The following PSMA1 variants were observed in gnomAD, a reference collection of about 807,000 sequenced individuals.
PSMA1 encodes proteasome subunit alpha type-1.
In PSMA1, 3 loss-of-function variants were observed where a neutral mutation model predicts 38.4. That is an observed-to-expected ratio of 0.08 (90% CI 0.04 to 0.20). PSMA1 has a LOEUF of 0.20. Among genes scored for constraint, PSMA1 ranks in the 10% least tolerant of loss-of-function variants. The pLI is 1.00. For missense variants in PSMA1, 227 were observed against 325.3 expected, an observed-to-expected ratio of 0.70 and a Z score of 2.32; for synonymous variants, 101 against 107.1, an observed-to-expected ratio of 0.94 and a Z score of 0.35.
chr11:14,631,035 G>A (rs1410914436), intron 1 of PSMA1, among the ~76,000 whole-genome samples: 6 of 151,932 alleles, frequency 3.9e-5, no homozygotes, highest in Non-Finnish European at 7.4e-5. Context: ...TTTTTATTGC[G>A]TCTATTTGAT....
At chr11:14,613,642 T>C (rs1852735379) in intron 1 of PSMA1, among the ~76,000 whole-genome samples, 1 of 152,166 alleles carries the variant, frequency 6.6e-6, no homozygotes, top group Non-Finnish European at 1.5e-5. Context: ...ATTTCTGAGA[T>C]TTCAAAATAA....
chr11:14,570,157 A>G (rs1013174775), intron 2 of PSMA1, among the ~76,000 whole-genome samples: 1 of 152,228 alleles, frequency 6.6e-6, no homozygotes, highest in African/African-American at 2.4e-5. Flanking sequence ...CCTGACTGTT[A>G]GAAGGAAAAC....
At chr11:14,507,490 C>G (rs1851264438) in intron 9 of PSMA1, 166 bp downstream of exon 9, 1 of 592,574 alleles carries the variant, frequency 1.7e-6, no homozygotes, top group Non-Finnish European at 2.9e-6. Flanking sequence ...ATGGAGATCA[C>G]TGCCCTTTCA....
chr11:14,540,945 G>C (rs973689801), intron 2 of PSMA1, among the ~76,000 whole-genome samples: 2 of 152,032 alleles, frequency 1.3e-5, no homozygotes, highest in Admixed American at 1.3e-4. Flanking sequence ...GTTGTGGGGT[G>C]GGGGGAGGAG....
At chr11:14,638,295 C>T (rs990104088) in intron 1 of PSMA1, among the ~76,000 whole-genome samples, 14 of 152,066 alleles carry the variant, frequency 9.2e-5, no homozygotes, top group African/African-American at 3.4e-4. Context: ...ATTATTTACT[C>T]CTATTTGCAA....
chr11:14,547,890 C>T (rs1589989403), intron 2 of PSMA1, among the ~76,000 whole-genome samples: 1 of 152,206 alleles, frequency 6.6e-6, no homozygotes, highest in Non-Finnish European at 1.5e-5. Flanking sequence ...TTAATCCCTA[C>T]TTGGCTAACT....
At chr11:14,542,912 G>A (rs574418409) in intron 2 of PSMA1, among the ~76,000 whole-genome samples, 9 of 152,048 alleles carry the variant, frequency 5.9e-5, no homozygotes, top group Non-Finnish European at 1.2e-4. Context: ...CTGGAGTGCC[G>A]CGGCAAGATC....
At chr11:14,600,921 T>C (rs944231712) in intron 2 of PSMA1, among the ~76,000 whole-genome samples, 2 of 152,228 alleles carry the variant, frequency 1.3e-5, no homozygotes, top group African/African-American at 4.8e-5. Flanking sequence ...TGGCATTCTT[T>C]CCCACTTTTG....
At chr11:14,565,086 C>A (rs2134175070) in intron 2 of PSMA1, among the ~76,000 whole-genome samples, 1 of 152,268 alleles carries the variant, frequency 6.6e-6, no homozygotes, top group East Asian at 1.9e-4. Context: ...GCCTATAGGG[C>A]TCTTCAAATG....
rs60499933 is a variant in PSMA1, at chr11:14,508,561, C to CAAA, written c.625-798_625-796dup. On this transcript the variant is annotated intron_variant, in intron 8 of 9. Transcript: ENST00000396394. ...TCCTCTTCCAGTCACCACTCCATCT[C>CAAA]AAAAAAAAAAAAAAAACCCAGATTG... Among the ~76,000 whole-genome samples the CAAA allele has an allele frequency of 1.7e-3, 82 of 47,124 alleles. 6 individuals carry two copies. Among genetic ancestry groups the CAAA allele is most frequent in the Middle Eastern group, 0.059 (2 of 34 alleles). The allele number at this position is 47,124 out of a possible 152,430, so 30.9% of individuals were successfully genotyped here.
At chr11:14,607,409 C>T (rs779079026) in intron 2 of PSMA1, among the ~76,000 whole-genome samples, 1 of 152,202 alleles carries the variant, frequency 6.6e-6, no homozygotes, top group Non-Finnish European at 1.5e-5. Context: ...TCTGTGGGTC[C>T]TCCTGGTACT....
intron 2 of PSMA1, among the ~76,000 whole-genome samples, chr11:14,591,356 G>A (rs1426518269): frequency 6.6e-6 from 1 of 152,174 alleles, no homozygotes; most frequent in East Asian, 1.9e-4. Flanking sequence ...CCCACTCTGT[G>A]GGTTCCTGGG....
chr11:14,638,565 ATATATATATATATATATATATTTTTTTTT>A (rs1565065469), intron 1 of PSMA1, among the ~76,000 whole-genome samples: 10 of 14,220 alleles, frequency 7.0e-4, no homozygotes, highest in East Asian at 4.3e-3. Flanking sequence ...ATATATATAT[ATATATATATATATATATATATTTTTTTTT>A]TTTTTTTTTT....
chr11:14,508,688 A>AC (rs1851291978), intron 8 of PSMA1, among the ~76,000 whole-genome samples: 1 of 152,052 alleles, frequency 6.6e-6, no homozygotes. Context: ...TGACAGAGTG[A>AC]CCGTCAACAG....
At chr11:14,641,030 G>T (rs1179072291) in intron 1 of PSMA1, among the ~76,000 whole-genome samples, 1 of 152,174 alleles carries the variant, frequency 6.6e-6, no homozygotes, top group African/African-American at 2.4e-5. Context: ...GATCCACTAA[G>T]GAGTGGAGAG....
At chr11:14,578,124 G>A (rs1032182182) in intron 2 of PSMA1, among the ~76,000 whole-genome samples, 9 of 152,122 alleles carry the variant, frequency 5.9e-5, no homozygotes, top group Non-Finnish European at 1.3e-4. Flanking sequence ...ACCTAATGTA[G>A]ATCACGGGTT....
At chr11:14,523,191 T>C (rs539829825), upstream of PSMA1, among the ~76,000 whole-genome samples, 22 of 152,342 alleles carry the variant, frequency 1.4e-4, no homozygotes, top group African/African-American at 5.3e-4. Context: ...CAAGGGCTTA[T>C]TAAAGGTTTA....
At chr11:14,584,270 T>C (rs542580808) in intron 2 of PSMA1, among the ~76,000 whole-genome samples, 2 of 152,348 alleles carry the variant, frequency 1.3e-5, no homozygotes, top group East Asian at 3.9e-4. Flanking sequence ...TGTGGGATTA[T>C]ACATATGTGA....
intron 4 of PSMA1, among the ~76,000 whole-genome samples, chr11:14,517,040 A>G (rs1216176992): frequency 6.6e-6 from 1 of 152,248 alleles, no homozygotes. Context: ...TGAGAACTCA[A>G]TATGTGCAAT....
Sources: gnomAD v4.1 joint callset for allele counts (sites outside exome capture counted in the v4.1 genomes callset) on GRCh38, gnomAD v4.1.1 for gene constraint, MANE v1.5 for transcripts, NCBI Gene and HGNC (gene_info 2026-07-23, HGNC 2026-07-21) for gene names.